The following SLC4A5 variants were observed in gnomAD, a reference collection of about 807,000 sequenced individuals.
SLC4A5 encodes the protein solute carrier family 4 member 5, also known as electrogenic sodium bicarbonate cotransporter 4.
SLC4A5 carries 96 observed loss-of-function variants against 120.4 expected under a neutral mutation model. The ratio of observed to expected loss-of-function variants is 0.80; its 90% CI spans 0.68 to 0.94. The LOEUF is 0.94. Among genes scored for constraint, SLC4A5 ranks in the 40% least tolerant of loss-of-function variants. The pLI, the probability that SLC4A5 is intolerant of heterozygous loss-of-function variation, is 0.00. For synonymous variants in SLC4A5, 550 were observed against 571.1 expected (o/e 0.96, Z 0.53); for missense variants, 1,259 against 1,459.5 (o/e 0.86, Z 2.24).
At chr2:74,303,742 G>A (rs1279236978) in intron 7 of SLC4A5, among the ~76,000 whole-genome samples, 1 of 152,180 alleles carries the variant, frequency 6.6e-6, no homozygotes, top group Non-Finnish European at 1.5e-5. Flanking sequence ...ACACAATTCT[G>A]TACCAGGTCT....
intron 3 of SLC4A5, among the ~76,000 whole-genome samples, chr2:74,337,899 CCCATGGGT>C (rs922542171): frequency 1.3e-5 from 2 of 152,124 alleles, no homozygotes; most frequent in African/African-American, 4.8e-5. Flanking sequence ...TGAGAGTGAT[CCCATGGGT>C]GGGCTGACTC....
chr2:74,303,480 T>C (rs1039599928), intron 7 of SLC4A5, among the ~76,000 whole-genome samples: 1 of 152,206 alleles, frequency 6.6e-6, no homozygotes, highest in South Asian at 2.1e-4. Flanking sequence ...AGGTTTGGGA[T>C]ATGCTGAGAG....
At chr2:74,286,248 C>T (rs1343401804) in intron 7 of SLC4A5, among the ~76,000 whole-genome samples, 6 of 152,134 alleles carry the variant, frequency 3.9e-5, no homozygotes, top group Admixed American at 6.5e-5. Flanking sequence ...GCTTACCACC[C>T]GAGGGGGTTC....
intron 26 of SLC4A5, 36 bp from the exon 27 acceptor site, chr2:74,227,166 A>T: frequency 6.4e-7 from 1 of 1,566,292 alleles, no homozygotes; most frequent in Non-Finnish European, 8.6e-7. Context: ...AGGCAGCCAG[A>T]CCCCGAGGGC....
chr2:74,238,089 G>A (rs2103937476), intron 21 of SLC4A5, among the ~76,000 whole-genome samples: 1 of 152,136 alleles, frequency 6.6e-6, no homozygotes, highest in South Asian at 2.1e-4. Context: ...GTGACAGAGT[G>A]AGACTCTGTC....
intron 5 of SLC4A5, among the ~76,000 whole-genome samples, chr2:74,320,011 CAG>C (rs766845249): frequency 1.1e-4 from 16 of 151,990 alleles, no homozygotes; most frequent in Non-Finnish European, 2.2e-4. Flanking sequence ...AAGAATAAGA[CAG>C]AACTTTTCGA....
At chr2:74,325,412 T>A (rs1057468601) in intron 5 of SLC4A5, among the ~76,000 whole-genome samples, 46 of 152,276 alleles carry the variant, frequency 3.0e-4, no homozygotes, top group African/African-American at 1.1e-3. Flanking sequence ...TCCCAACTTC[T>A]CACAACTTGA....
intron 8 of SLC4A5, among the ~76,000 whole-genome samples, chr2:74,283,473 C>G (rs1034001430): frequency 6.6e-6 from 1 of 152,204 alleles, no homozygotes; most frequent in Non-Finnish European, 1.5e-5. Flanking sequence ...CTCTGAGGCC[C>G]GCAGGGACTT....
chr2:74,290,314 G>A (rs1365355487), intron 7 of SLC4A5: 91 of 985,422 alleles, frequency 9.2e-5, no homozygotes, highest in East Asian at 1.1e-4. Flanking sequence ...GCCTGCTTCC[G>A]CTGCTGCCTC....
At chr2:74,260,068 G>A (rs757473156) in intron 11 of SLC4A5, among the ~76,000 whole-genome samples, 5 of 152,180 alleles carry the variant, frequency 3.3e-5, no homozygotes, top group Admixed American at 1.3e-4. Flanking sequence ...CTCCATGACC[G>A]GTGAGAGTCT....
chr2:74,307,451 G>A, intron 6 of SLC4A5: 3 of 629,888 alleles, frequency 4.8e-6, no homozygotes, highest in Non-Finnish European at 9.0e-6. Context: ...TGTCATCAAT[G>A]ACCTTGTGGA....
At chr2:74,264,847 G>A (rs1415277255) in intron 9 of SLC4A5, among the ~76,000 whole-genome samples, 2 of 152,144 alleles carry the variant, frequency 1.3e-5, no homozygotes, top group Non-Finnish European at 2.9e-5. Context: ...TATGCAAGAG[G>A]CCCTCTCCCC....
intron 7 of SLC4A5, among the ~76,000 whole-genome samples, chr2:74,292,101 G>A (rs907048402): frequency 3.9e-5 from 6 of 152,270 alleles, no homozygotes; most frequent in Admixed American, 6.5e-5. Flanking sequence ...TCTATGAAGC[G>A]GTAATAATCA....
intron 5 of SLC4A5, among the ~76,000 whole-genome samples, chr2:74,317,945 T>C (rs1673006809): frequency 6.6e-6 from 1 of 152,024 alleles, no homozygotes; most frequent in Non-Finnish European, 1.5e-5. Flanking sequence ...GAATGACAGA[T>C]ACCAAAACAA....
At chr2:74,339,327 C>T (rs185737327) in intron 2 of SLC4A5, 1 of 152,226 alleles carries the variant, frequency 6.6e-6, no homozygotes. Flanking sequence ...AGCAAACCAC[C>T]ATGGCATACA....
intron 15 of SLC4A5, 23 bp from the exon 16 acceptor site, chr2:74,252,411 G>C (rs1378525756): frequency 1.2e-6 from 2 of 1,602,942 alleles, no homozygotes; most frequent in African/African-American, 2.7e-5. Flanking sequence ...GGGGATGAAG[G>C]AGAGTGGGTC....
chr2:74,227,845 G>C (rs746413170), exon 26 of SLC4A5: 9 of 1,612,008 alleles, frequency 5.6e-6, no homozygotes, highest in Non-Finnish European at 6.8e-6. Context: ...CCCATGTAGA[G>C]GAAGACTCCG....
chr2:74,339,396 G>C (rs911359804), intron 2 of SLC4A5: 2 of 151,970 alleles, frequency 1.3e-5, no homozygotes, highest in African/African-American at 4.8e-5. Context: ...TAAAATAAAA[G>C]TTGAAGAAAA....
intron 17 of SLC4A5, among the ~76,000 whole-genome samples, chr2:74,249,432 T>G (rs1364001424): frequency 6.6e-6 from 1 of 152,048 alleles, no homozygotes; most frequent in East Asian, 1.9e-4. Flanking sequence ...AGCATGTACT[T>G]GAAGAACCAA....
Sources: gnomAD v4.1 joint callset for allele counts (sites outside exome capture counted in the v4.1 genomes callset) on GRCh38, gnomAD v4.1.1 for gene constraint, MANE v1.5 for transcripts, NCBI Gene and HGNC (gene_info 2026-07-23, HGNC 2026-07-21) for gene names.